The following TVP23B variants were observed in gnomAD, a reference collection of about 807,000 sequenced individuals.
The protein encoded by TVP23B is Golgi apparatus membrane protein TVP23 homolog B.
In TVP23B, 10 loss-of-function variants were observed where a neutral mutation model predicts 30.6. That is an observed-to-expected ratio of 0.33 (90% CI 0.20 to 0.55). The LOEUF is 0.55. Ranked by LOEUF, TVP23B falls within the 20% of genes least tolerant of loss-of-function variation. The pLI, the probability that TVP23B is intolerant of heterozygous loss-of-function variation, is 0.91. For missense variants in TVP23B, 153 were observed against 243.2 expected, an observed-to-expected ratio of 0.63 and a Z score of 2.47; for synonymous variants, 67 against 83.1, an observed-to-expected ratio of 0.81 and a Z score of 1.06.
intron 1 of TVP23B, chr17:18,781,586 C>T: frequency 2.2e-6 from 1 of 459,246 alleles, no homozygotes; most frequent in Non-Finnish European, 3.8e-6. Flanking sequence ...TTTCCTCAAC[C>T]CTTATTGCCG....
chr17:18,789,083 C>G (rs1165654822), intron 1 of TVP23B: 1 of 436,532 alleles, frequency 2.3e-6, no homozygotes, highest in Non-Finnish European at 4.2e-6. Context: ...TTGTAGTAGC[C>G]TCATCTGCAC....
chr17:18,795,141 C>T (rs2036058289), intron 3 of TVP23B, among the ~76,000 whole-genome samples: 1 of 149,234 alleles, frequency 6.7e-6, no homozygotes, highest in Non-Finnish European at 1.5e-5. Context: ...ATTCTCCTGC[C>T]TCACCCTCCT....
Position 18,790,873 on chromosome 17 carries a change from TTTCA to T in TVP23B, c.96-20_96-17del. ...CTGTAGTAAAATGTAATTGCATTTC[TTTCA>T]TTGTGTTTTGGTTTTCAGACATCCA... On this transcript the variant is annotated intron_variant, in intron 2 of 6. Transcript: ENST00000307767. 1 of 1,595,944 alleles carries T rather than the reference TTTCA, an allele frequency of 6.3e-7. No homozygotes were observed. The highest frequency in any genetic ancestry group is 8.5e-7 in the Non-Finnish European group (1 of 1,174,774).
chr17:18,804,352 A>T (rs1331538542), intron 6 of TVP23B, 86 bp downstream of exon 6: 3 of 1,445,696 alleles, frequency 2.1e-6, no homozygotes, highest in Non-Finnish European at 2.8e-6. Flanking sequence ...TCCTGAACAG[A>T]AGTTTTAAAG....
chr17:18,782,750 C>G (rs1290409332), intron 1 of TVP23B, among the ~76,000 whole-genome samples: 1 of 151,966 alleles, frequency 6.6e-6, no homozygotes, highest in East Asian at 1.9e-4. Context: ...CATTTGTAAA[C>G]TGGCATGGCG....
In TVP23B at chr17:18,790,961, G is replaced by C; in HGVS notation, c.161G>C (p.Cys54Ser). 1 of 1,613,000 alleles carries C rather than the reference G, an allele frequency of 6.2e-7. No individual in the cohort carries two copies. Among genetic ancestry groups the C allele is most frequent in the South Asian group, 1.1e-5 (1 of 90,832 alleles). ...RVSAIIVYLL[C>S]GLLSSSFITC... Reference sequence around the variant, plus strand: ...AGTGCAATCATCGTCTATCTTCTCTGTGGGTTGCTCAGCAGCAGCTTTATT... The same window carrying C: ...AGTGCAATCATCGTCTATCTTCTCTCTGGGTTGCTCAGCAGCAGCTTTATT... The change falls in exon 3 of 7, where the codon TGT becomes TCT. Residue 54 changes from cysteine (C) to serine (S), a missense_variant. By Grantham distance (112) the Cys-to-Ser change is moderately radical (BLOSUM62 -1). This residue lies in a region of TVP23B where 53 missense variants were observed against 128.0 expected (regional missense o/e 0.41). Coordinates refer to ENST00000307767, the MANE Select transcript of TVP23B (RefSeq NM_016078.6).
At chr17:18,782,907 C>G (rs1474067437) in intron 1 of TVP23B, among the ~76,000 whole-genome samples, 1 of 150,744 alleles carries the variant, frequency 6.6e-6, no homozygotes, top group Non-Finnish European at 1.5e-5. Context: ...CACATCTCAT[C>G]CTGTGATTTA....
intron 1 of TVP23B, among the ~76,000 whole-genome samples, chr17:18,787,203 T>C (rs995019569): frequency 6.6e-6 from 1 of 152,162 alleles, no homozygotes; most frequent in Non-Finnish European, 1.5e-5. Context: ...GAAACCAGCC[T>C]GGCCAACGTG....
chr17:18,803,553 A>G (rs192693327), intron 5 of TVP23B, among the ~76,000 whole-genome samples: 41 of 152,226 alleles, frequency 2.7e-4, no homozygotes, highest in Non-Finnish European at 5.3e-4. Flanking sequence ...AGAAAATGAA[A>G]CTCAAAGGAA....
rs190826556 is a variant in TVP23B, at chr17:18,800,750, A to T, written c.462+1807A>T. 9.9e-5 allele frequency among the ~76,000 whole-genome samples: 15 copies of T among 151,404 alleles called. 1 individual carries two copies. Among genetic ancestry groups the T allele is most frequent in the East Asian group, 3.9e-4 (2 of 5,124 alleles). On this transcript the variant is annotated intron_variant, in intron 5 of 6. Transcript: ENST00000307767. ...CAAAGTTTTGCTTGGAATCAGGAAA[A>T]TTTTTTCTGTTAAATCTTTGCATTT...
intron 6 of TVP23B, among the ~76,000 whole-genome samples, chr17:18,805,054 A>G (rs577607340): frequency 1.4e-5 from 2 of 146,160 alleles, no homozygotes; most frequent in East Asian, 2.0e-4. Context: ...TATTGGTTAA[A>G]TTTCTTGGGA....
chr17:18,789,578 C>T lies in TVP23B; in HGVS notation c.95+143C>T, dbSNP rs893960479. 2.5e-5 allele frequency: 27 copies of T among 1,089,316 alleles called. No homozygotes were observed. In the Admixed American group the frequency reaches 3.1e-4, roughly 12 times the overall value. 67.5% of individuals were successfully genotyped at this position (1,089,316 alleles called of 1,614,324 possible). ...TGTTGCTAATTTGACGTTTAGTGTA[C>T]GACAAAGATGACATTTCAGATTTTC... On this transcript the variant is annotated intron_variant, in intron 2 of 6. Transcript: ENST00000307767.
At chr17:18,801,332 T>C (rs1329818642) in intron 5 of TVP23B, among the ~76,000 whole-genome samples, 1 of 152,132 alleles carries the variant, frequency 6.6e-6, no homozygotes, top group Non-Finnish European at 1.5e-5. Flanking sequence ...CACTATAGTT[T>C]TGCATAAATG....
chr17:18,805,282 C>T (rs934564632), intron 6 of TVP23B, among the ~76,000 whole-genome samples: 5 of 151,802 alleles, frequency 3.3e-5, no homozygotes, highest in African/African-American at 1.2e-4. Context: ...GACGGGGTTT[C>T]ACCGTGTTAG....
At chr17:18,790,123 T>C (rs1403556619) in intron 2 of TVP23B, among the ~76,000 whole-genome samples, 1 of 152,028 alleles carries the variant, frequency 6.6e-6, no homozygotes, top group African/African-American at 2.4e-5. Context: ...TTACCTTAAA[T>C]AAGTAAATTG....
chr17:18,790,020 G>T (rs1193708303), intron 2 of TVP23B, among the ~76,000 whole-genome samples: 1 of 152,200 alleles, frequency 6.6e-6, no homozygotes, highest in Non-Finnish European at 1.5e-5. Context: ...GACTGCCAGT[G>T]GGTACAAAGA....
At chr17:18,785,461 A>G (rs989026816) in intron 1 of TVP23B, among the ~76,000 whole-genome samples, 1 of 151,698 alleles carries the variant, frequency 6.6e-6, no homozygotes, top group Non-Finnish European at 1.5e-5. Context: ...TATTTACTGA[A>G]TAAATGAGAA....
chr17:18,785,775 G>A (rs1161127607), intron 1 of TVP23B, among the ~76,000 whole-genome samples: 1 of 152,146 alleles, frequency 6.6e-6, no homozygotes, highest in Non-Finnish European at 1.5e-5. Context: ...AGGACCTGCA[G>A]TAGTGACCCC....
Position 18,798,913 on chromosome 17 carries a change from T to A in TVP23B, c.432T>A (p.Ser144Arg). The change falls in exon 5 of 7, where the codon AGT (serine) becomes AGA (arginine). Residue 144 changes from serine to arginine, a missense_variant. Physicochemically the swap from Ser to Arg is moderately radical, Grantham distance 110. Coordinates refer to ENST00000307767, the MANE Select transcript of TVP23B (RefSeq NM_016078.6). Reference protein sequence around the residue: ...CPVLWVIFAFSALFSFRVKWL... With the variant: ...CPVLWVIFAFRALFSFRVKWL... ...TACTGTGGGTGATATTTGCTTTTAG[T>A]GCACTCTTCTCCTTCAGAGTAAAGT... is the stretch of plus-strand genomic sequence containing the variant. 1 of 1,613,394 alleles carries A rather than the reference T, an allele frequency of 6.2e-7. No homozygotes were observed. The highest frequency in any genetic ancestry group is 8.5e-7 in the Non-Finnish European group (1 of 1,179,738).
Sources: gnomAD v4.1 joint callset for allele counts (sites outside exome capture counted in the v4.1 genomes callset) on GRCh38, gnomAD v4.1.1 for gene constraint, gnomAD v4.1.1 regional missense constraint, MANE v1.5 for transcripts, NCBI Gene and HGNC (gene_info 2026-07-23, HGNC 2026-07-21) for gene names.